RIPK4: variants seen among roughly 807,000 people sequenced by gnomAD.
RIPK4 encodes receptor-interacting serine/threonine-protein kinase 4.
In RIPK4, 17 loss-of-function variants were observed where a neutral mutation model predicts 42.9. The ratio of observed to expected loss-of-function variants is 0.40; its 90% confidence interval spans 0.27 to 0.59. The LOEUF is 0.59. RIPK4 is among the 20% of genes least tolerant of loss of function. The pLI is 0.47. For missense variants in RIPK4, 897 were observed against 1,104.4 expected (o/e 0.81, Z 2.66); for synonymous variants, 498 against 499.1 (o/e 1.00, Z 0.03).
At chr21:41,743,829 C>T (rs911508346) in intron 7 of RIPK4, 53 bp downstream of exon 7, 1 of 1,527,560 alleles carries the variant, frequency 6.5e-7, no homozygotes, top group African/African-American at 1.4e-5. Context: ...GAGTCCAGTC[C>T]ACTGTCCCGC....
In RIPK4 at chr21:41,740,228, C is replaced by T. The variant is rs1396009965; in HGVS notation, c.*610G>A. 2 of 152,276 alleles carry T rather than the reference C, an allele frequency of 1.3e-5. No homozygotes were observed. Among genetic ancestry groups the T allele is most frequent in the East Asian group, 3.8e-4 (2 of 5,202 alleles). The allele number at this position is 152,276 out of a possible 1,614,324, so 9.4% of individuals were successfully genotyped here. A position where few individuals can be genotyped will look rare whatever the true frequency, so the allele number is the denominator to read the frequency against. On this transcript the variant is annotated 3_prime_UTR_variant, in exon 8 of 8. Coordinates refer to ENST00000332512, the MANE Select transcript of RIPK4 (RefSeq NM_020639.3). ...CCCCGCAAAGCTGGCTGCTACCATTCGTTCCTTGTTGCATAAAACATTGTT... is the reference window on the plus strand; with the variant it reads ...CCCCGCAAAGCTGGCTGCTACCATTTGTTCCTTGTTGCATAAAACATTGTT...
At chr21:41,764,077 G>A (rs1468450194) in intron 1 of RIPK4, among the ~76,000 whole-genome samples, 4 of 152,174 alleles carry the variant, frequency 2.6e-5, no homozygotes, top group Non-Finnish European at 5.9e-5. Context: ...GATCAATGGG[G>A]TGTCACCTGT....
chr21:41,757,385 G>C (rs534108244), intron 1 of RIPK4, among the ~76,000 whole-genome samples: 3 of 151,876 alleles, frequency 2.0e-5, no homozygotes, highest in East Asian at 1.9e-4. Context: ...AGCCGGGCAT[G>C]GTGGCAGATG....
intron 5 of RIPK4, 135 bp from the exon 6 acceptor site, chr21:41,745,997 C>G: frequency 2.5e-6 from 2 of 796,406 alleles, no homozygotes; most frequent in South Asian, 2.7e-5. Flanking sequence ...ACCAGGCAAG[C>G]CCAGGGGCCC....
chr21:41,754,698 C>G (rs1441838201), intron 2 of RIPK4, among the ~76,000 whole-genome samples: 1 of 152,238 alleles, frequency 6.6e-6, no homozygotes, highest in Non-Finnish European at 1.5e-5. Context: ...AAAGCCCCAC[C>G]CTGTGTGAAG....
intron 4 of RIPK4, 109 bp from the exon 5 acceptor site, chr21:41,746,880 C>T (rs762432751): frequency 1.6e-6 from 2 of 1,285,506 alleles, no homozygotes; most frequent in East Asian, 2.4e-5. Context: ...GCCATCCCCA[C>T]ACCACCCCAG....
rs764192627 is a variant in RIPK4 at position 41,739,581 on chromosome 21, C to G, written c.*1257G>C. ...CATTAATATCAATCTCTATCATATACCAGGCCACGGTACATGTTTGCACGC... is the reference window on the plus strand; with the variant it reads ...CATTAATATCAATCTCTATCATATAGCAGGCCACGGTACATGTTTGCACGC... On this transcript the variant is annotated 3_prime_UTR_variant, in exon 8 of 8. Transcript: ENST00000332512. The G allele has an allele frequency of 8.5e-5, 13 of 152,224 alleles. No individual in the cohort carries two copies. The highest frequency in any genetic ancestry group is 1.9e-4 in the Non-Finnish European group (13 of 68,046). The allele number at this position is 152,224 out of a possible 1,614,324, so 9.4% of individuals were successfully genotyped here.
intron 2 of RIPK4, among the ~76,000 whole-genome samples, chr21:41,754,401 A>C (rs529870737): frequency 8.5e-5 from 13 of 152,220 alleles, no homozygotes; most frequent in Non-Finnish European, 1.9e-4. Context: ...GCCACACAAA[A>C]GCAATCTTTC....
At position 41,752,277 on chromosome 21, in the gene RIPK4, G is replaced by A. The variant is rs556783917; in HGVS notation, c.475-1032C>T. On this transcript the variant is annotated intron_variant, in intron 2 of 7. Transcript: ENST00000332512. ...TGAGCTCCTCTCAAACACACCCATGGAGTGACAGGAAATGAGGCTGAGTCA... is the reference window on the plus strand; with the variant it reads ...TGAGCTCCTCTCAAACACACCCATGAAGTGACAGGAAATGAGGCTGAGTCA... 1.8e-4 allele frequency among the ~76,000 whole-genome samples: 28 copies of A among 152,262 alleles called. No homozygotes were observed. In the South Asian group the frequency reaches 4.8e-3, roughly 26 times the overall value.
At chr21:41,750,982 C>A in intron 3 of RIPK4, 115 bp downstream of exon 3, 2 of 1,367,398 alleles carry the variant, frequency 1.5e-6, no homozygotes, top group Non-Finnish European at 1.0e-6. Context: ...CTGGCCCGAG[C>A]CCCATTTCTG....
Position 41,766,987 on chromosome 21 carries a change from C to G in RIPK4, c.55G>C (p.Ala19Pro). Reference protein sequence around the residue: ...WALALLRTFDAGEFTGWEKVG... With the variant: ...WALALLRTFDPGEFTGWEKVG... Reference sequence around the variant, plus strand: ...TTCTCCCAGCCCGTGAACTCGCCCGCGTCGAAGGTGCGCAGCAGCGCCAGG... The same window carrying G: ...TTCTCCCAGCCCGTGAACTCGCCCGGGTCGAAGGTGCGCAGCAGCGCCAGG... Residue 19 changes from alanine to proline, a missense_variant, in exon 1 of 8, where the codon GCG (alanine) becomes CCG (proline). Transcript: ENST00000332512. 2 of 1,603,984 alleles carry G rather than the reference C, an allele frequency of 1.2e-6. 1 individual carries two copies. Among genetic ancestry groups the G allele is most frequent in the Non-Finnish European group, 1.7e-6 (2 of 1,176,376 alleles).
chr21:41,766,844 C>A lies in RIPK4; in HGVS notation c.182+16G>T. The A allele has an allele frequency of 6.2e-7, 1 of 1,600,820 alleles. No individual in the cohort carries two copies. The highest frequency in any genetic ancestry group is 1.1e-5 in the South Asian group (1 of 89,958). On this transcript the variant is annotated intron_variant, in intron 1 of 7. Coordinates refer to ENST00000332512, the MANE Select transcript of RIPK4 (RefSeq NM_020639.3). ...CCGGGCCCCAGCCGCCCCAGCGCCCCGCCCGGGCCGCTCACCTGTCGTCGA... is the reference window on the plus strand; with the variant it reads ...CCGGGCCCCAGCCGCCCCAGCGCCCAGCCCGGGCCGCTCACCTGTCGTCGA...
intron 1 of RIPK4, among the ~76,000 whole-genome samples, chr21:41,763,094 C>A (rs552655621): frequency 6.6e-6 from 1 of 152,154 alleles, no homozygotes; most frequent in Non-Finnish European, 1.5e-5. Context: ...CACGCAGGAA[C>A]GGGAAAAGCC....
In RIPK4 at chr21:41,742,072, G is replaced by A. The variant is rs1345670473; in HGVS notation, c.1196-75C>T. The stretch of plus-strand genomic sequence containing the variant: ...ACGTGGCGTCTCTGGGAGCCTGGCT[G>A]TGGCGCTCAGGTGGAGGAGTGCCAT... On this transcript the variant is annotated intron_variant, in intron 7 of 7. Coordinates refer to ENST00000332512, the MANE Select transcript of RIPK4 (RefSeq NM_020639.3). This position sits in a 1 kb window ranked among gnomAD's most constrained non-coding sequence, Gnocchi z 5.1. 7.4e-6 allele frequency: 10 copies of A among 1,352,748 alleles called. No homozygotes were observed. The highest frequency in any genetic ancestry group is 2.8e-5 in the South Asian group (2 of 71,568). 83.8% of individuals were successfully genotyped at this position (1,352,748 alleles called of 1,614,324 possible).
At chr21:41,765,164 GA>G (rs2146063684) in intron 1 of RIPK4, among the ~76,000 whole-genome samples, 1 of 152,336 alleles carries the variant, frequency 6.6e-6, no homozygotes, top group South Asian at 2.1e-4. Flanking sequence ...TCCAATATAA[GA>G]AAGTGGTGTG....
In RIPK4 at chr21:41,751,996, G is replaced by A. The variant is rs1223513203; in HGVS notation, c.475-751C>T. Among the ~76,000 whole-genome samples the A allele has an allele frequency of 1.3e-5, 2 of 151,984 alleles. No individual in the cohort carries two copies. The highest frequency in any genetic ancestry group is 1.9e-4 in the East Asian group (1 of 5,160). On this transcript the variant is annotated intron_variant, in intron 2 of 7. Coordinates refer to ENST00000332512, the MANE Select transcript of RIPK4 (RefSeq NM_020639.3). This position sits in a 1 kb window ranked among gnomAD's most constrained non-coding sequence, Gnocchi z 4.5. ...GGGAGGCAGGTCTCAGGTCTCCTTCGGGCAAAGGTGACCTTGGAGCTCACT... is the reference window on the plus strand; with the variant it reads ...GGGAGGCAGGTCTCAGGTCTCCTTCAGGCAAAGGTGACCTTGGAGCTCACT...
intron 6 of RIPK4, among the ~76,000 whole-genome samples, chr21:41,744,529 A>G (rs1312478534): frequency 6.6e-6 from 1 of 152,254 alleles, no homozygotes; most frequent in Non-Finnish European, 1.5e-5. Flanking sequence ...AAGGAAAGAT[A>G]GCCTTCATAA....
rs1421202508 is a variant in RIPK4, at chr21:41,743,862, A to C, written c.1195+20T>G. On this transcript the variant is annotated intron_variant, in intron 7 of 7. Coordinates refer to ENST00000332512, the MANE Select transcript of RIPK4 (RefSeq NM_020639.3). ...CGCCAAGCCCAGCATCTCTCGGGAC[A>C]CAGAGGCGTCCCCACTCACCGCTGG... 1.3e-6 allele frequency: 2 copies of C among 1,569,266 alleles called. No homozygotes were observed. The highest frequency in any genetic ancestry group is 1.7e-6 in the Non-Finnish European group (2 of 1,155,790).
intron 2 of RIPK4, among the ~76,000 whole-genome samples, chr21:41,752,826 C>A (rs957673285): frequency 6.6e-6 from 1 of 151,934 alleles, no homozygotes; most frequent in African/African-American, 2.4e-5. Flanking sequence ...CCTGTCGGTG[C>A]GTAGGGGAAG....
Sources: allele counts gnomAD v4.1 joint callset (sites outside exome capture counted in the v4.1 genomes callset), GRCh38; gene constraint gnomAD v4.1.1; non-coding constraint Gnocchi (gnomAD v3.1); transcripts MANE v1.5; gene names NCBI Gene and HGNC (gene_info 2026-07-23, HGNC 2026-07-21).